The following PLEKHG1 variants were observed in gnomAD, a reference collection of about 807,000 sequenced individuals.
The protein encoded by PLEKHG1 is pleckstrin homology domain-containing family G member 1.
A neutral mutation model predicts 100.8 loss-of-function variants in PLEKHG1; 44 were observed. The ratio of observed to expected loss-of-function variants is 0.44; its 90% CI spans 0.34 to 0.56. PLEKHG1 has a LOEUF of 0.56. PLEKHG1 is among the 20% of genes least tolerant of loss of function. PLEKHG1 has a pLI of 0.01. For missense variants in PLEKHG1, 1,545 were observed against 1,720.9 expected, an observed-to-expected ratio of 0.90 and a Z score of 1.81; for synonymous variants, 640 against 662.5, an observed-to-expected ratio of 0.97 and a Z score of 0.52.
chr6:150,604,498 A>T (rs1198546016), intron 1 of PLEKHG1, among the ~76,000 whole-genome samples: 3 of 152,226 alleles, frequency 2.0e-5, no homozygotes, highest in Non-Finnish European at 2.9e-5. Flanking sequence ...CCATACAAAA[A>T]CAGGCTGGAT....
At chr6:150,647,704 G>A (rs765926167) in intron 2 of PLEKHG1, among the ~76,000 whole-genome samples, 1 of 152,050 alleles carries the variant, frequency 6.6e-6, no homozygotes, top group Non-Finnish European at 1.5e-5. Flanking sequence ...ATGAAGTTTT[G>A]TTTTGACGTA....
chr6:150,691,990 C>T (rs540582779), intron 3 of PLEKHG1, among the ~76,000 whole-genome samples: 7 of 152,294 alleles, frequency 4.6e-5, no homozygotes, highest in African/African-American at 7.2e-5. Context: ...GTTCCTGTCC[C>T]GCTGGGACAT....
At chr6:150,827,487 G>T (rs925209532) in intron 14 of PLEKHG1, among the ~76,000 whole-genome samples, 1 of 152,000 alleles carries the variant, frequency 6.6e-6, no homozygotes, top group Admixed American at 6.6e-5. Context: ...TGTTGGTCAG[G>T]CTGGTCTCGA....
At position 150,818,105 on chromosome 6, in the gene PLEKHG1, G is replaced by A. The variant is rs1583190904; in HGVS notation, c.1279-78G>A. The A allele has an allele frequency of 4.6e-5, 48 of 1,044,260 alleles. No homozygotes were observed. The East Asian group carries it at 1.0e-3, about 23-fold the overall frequency. The allele number at this position is 1,044,260 out of a possible 1,614,324, so 64.7% of individuals were successfully genotyped here. On this transcript the variant is annotated intron_variant, in intron 10 of 15. Coordinates refer to ENST00000358517, the Ensembl canonical transcript of PLEKHG1. Reference sequence around the variant, plus strand: ...TTTAAAAATCTATTTATTCAGGTGGGATAAGATCTGTGTTGAGATTTGGAG... The same window carrying A: ...TTTAAAAATCTATTTATTCAGGTGGAATAAGATCTGTGTTGAGATTTGGAG...
At chr6:150,786,130 G>A (rs984656161) in intron 3 of PLEKHG1, among the ~76,000 whole-genome samples, 2 of 152,018 alleles carry the variant, frequency 1.3e-5, no homozygotes, top group African/African-American at 2.4e-5. Flanking sequence ...GATGACAAAC[G>A]TCTGCAAAAC....
At chr6:150,830,524 A>T in intron 14 of PLEKHG1, 58 bp from the exon 16 acceptor site, 1 of 1,252,642 alleles carries the variant, frequency 8.0e-7, no homozygotes, top group Non-Finnish European at 1.1e-6. Context: ...GAAATTCCTG[A>T]GTTATGTGTC....
chr6:150,696,977 G>A (rs1310299674), intron 3 of PLEKHG1, among the ~76,000 whole-genome samples: 2 of 152,048 alleles, frequency 1.3e-5, no homozygotes, highest in Non-Finnish European at 2.9e-5. Flanking sequence ...TACGCCTGTA[G>A]TCCCAGCTAC....
chr6:150,651,198 T>G (rs1018760028), intron 3 of PLEKHG1: 1 of 152,226 alleles, frequency 6.6e-6, no homozygotes, highest in Admixed American at 6.5e-5. Flanking sequence ...TAACTGAAAC[T>G]GCAGAAAGTG....
chr6:150,747,070 C>T (rs1783203760), intron 2 of PLEKHG1, among the ~76,000 whole-genome samples: 2 of 152,180 alleles, frequency 1.3e-5, no homozygotes, highest in African/African-American at 2.4e-5. Flanking sequence ...TTGCAAAGAC[C>T]GCCTGTAGGC....
rs535332254 is a variant in PLEKHG1 at position 150,699,980 on chromosome 6, G to A, written c.-98-33604G>A. On this transcript the variant is annotated intron_variant, in intron 3 of 3. Coordinates refer to the PLEKHG1 transcript ENST00000367326. ...AGCCAAATTTTAGATCACTGGTTTT[G>A]GTAAATAGCTCATAGTGAGACTAAT... Among the ~76,000 whole-genome samples the A allele has an allele frequency of 2.6e-5, 4 of 152,218 alleles. No homozygotes were observed. The East Asian group carries it at 7.7e-4, about 29-fold the overall frequency.
upstream of PLEKHG1, among the ~76,000 whole-genome samples, chr6:150,720,249 C>T (rs6557088): frequency 0.35 from 53,457 of 152,042 alleles, 10,060 homozygotes; most frequent in South Asian, 0.43. Context: ...GTCAAATATA[C>T]GCCTTCTGAA....
intron 1 of PLEKHG1, among the ~76,000 whole-genome samples, chr6:150,615,061 C>A (rs1456548339): frequency 6.6e-6 from 1 of 152,132 alleles, no homozygotes; most frequent in African/African-American, 2.4e-5. Flanking sequence ...ACATTGGGCT[C>A]CTTAATAAAA....
chr6:150,821,908 C>T (rs887823581), intron 13 of PLEKHG1, among the ~76,000 whole-genome samples: 2 of 149,880 alleles, frequency 1.3e-5, no homozygotes, highest in African/African-American at 4.9e-5. Context: ...ATAGCGCGAT[C>T]TCGGCTCACC....
chr6:150,669,624 T>G (rs1487841938), intron 3 of PLEKHG1, among the ~76,000 whole-genome samples: 1 of 150,444 alleles, frequency 6.6e-6, no homozygotes, highest in African/African-American at 2.4e-5. Flanking sequence ...AGATGGGAGT[T>G]TTGCTCTTGT....
intron 10 of PLEKHG1, among the ~76,000 whole-genome samples, chr6:150,810,385 A>C (rs1354161162): frequency 6.6e-6 from 1 of 151,014 alleles, no homozygotes; most frequent in Non-Finnish European, 1.5e-5. Context: ...CAGCCACCCG[A>C]GTAGCTGGGA....
At chr6:150,621,675 G>A (rs1777307308) in intron 1 of PLEKHG1, among the ~76,000 whole-genome samples, 1 of 152,076 alleles carries the variant, frequency 6.6e-6, no homozygotes, top group African/African-American at 2.4e-5. Context: ...ATGCCTGGCT[G>A]GCACAAATCA....
Position 150,736,701 on chromosome 6 carries a change from G to A in PLEKHG1, c.411+2609G>A, listed in dbSNP as rs533495368. 2.6e-5 allele frequency among the ~76,000 whole-genome samples: 4 copies of A among 152,132 alleles called. No homozygotes were observed. In the East Asian group the frequency reaches 5.8e-4, roughly 22 times the overall value. ...GGAGAATCGCTTGAACCTGGGAGGC[G>A]AAGGCTGCAGTGAGCCGAGATTGCA... On this transcript the variant is annotated intron_variant, in intron 2 of 15. Transcript: ENST00000358517.
intron 4 of PLEKHG1, among the ~76,000 whole-genome samples, chr6:150,791,990 A>C (rs1036560076): frequency 2.0e-5 from 3 of 152,252 alleles, no homozygotes; most frequent in African/African-American, 7.2e-5. Flanking sequence ...AAAGCAAAGA[A>C]GTATTTATGT....
intron 1 of PLEKHG1, among the ~76,000 whole-genome samples, chr6:150,628,855 TG>T (rs1777624002): frequency 6.6e-6 from 1 of 152,192 alleles, no homozygotes; most frequent in African/African-American, 2.4e-5. Flanking sequence ...AATGTAGTGC[TG>T]TCATCCACAT....
Sources: allele counts gnomAD v4.1 joint callset (sites outside exome capture counted in the v4.1 genomes callset), GRCh38; gene constraint gnomAD v4.1.1; transcripts MANE v1.5; gene names NCBI Gene and HGNC (gene_info 2026-07-23, HGNC 2026-07-21).